NRG1: variants seen among roughly 807,000 people sequenced by gnomAD.
NRG1 encodes neuregulin 1.
NRG1 carries 18 observed loss-of-function variants against 63.8 expected under a neutral mutation model. The observed-to-expected ratio is 0.28, with a 90% CI of 0.19 to 0.42. The LOEUF (loss-of-function observed/expected upper bound fraction) is 0.42. Among genes scored for constraint, NRG1 ranks in the 10% least tolerant of loss-of-function variants. The pLI, the probability that NRG1 is intolerant of heterozygous loss-of-function variation, is 1.00. For synonymous variants in NRG1, 302 were observed against 301.3 expected, an observed-to-expected ratio of 1.00 and a Z score of -0.02; for missense variants, 762 against 814.7, an observed-to-expected ratio of 0.94 and a Z score of 0.79.
intron 1 of NRG1, among the ~76,000 whole-genome samples, chr8:32,186,054 A>C (rs1341220830): frequency 1.3e-5 from 2 of 152,218 alleles, no homozygotes; most frequent in Non-Finnish European, 2.9e-5. Flanking sequence ...TATAGTGGCT[A>C]ATGGCTATGC....
chr8:32,578,674 G>A (rs1840101076), intron 1 of NRG1, among the ~76,000 whole-genome samples: 1 of 151,966 alleles, frequency 6.6e-6, no homozygotes, highest in Non-Finnish European at 1.5e-5. Flanking sequence ...TGTCTCTATA[G>A]CTTTTAACTT....
chr8:32,625,317 T>G (rs1849029459), intron 5 of NRG1, among the ~76,000 whole-genome samples: 1 of 152,266 alleles, frequency 6.6e-6, no homozygotes, highest in African/African-American at 2.4e-5. Flanking sequence ...TCACTGTGGC[T>G]TATAGCCTAG....
chr8:32,136,890 CTTAATA>C (rs1453224704), intron 1 of NRG1: 2 of 152,026 alleles, frequency 1.3e-5, no homozygotes, highest in East Asian at 3.9e-4. Context: ...TATATAACAC[CTTAATA>C]TTAATAGTAC....
intron 1 of NRG1, among the ~76,000 whole-genome samples, chr8:32,169,159 G>C (rs1225132461): frequency 6.6e-6 from 1 of 152,152 alleles, no homozygotes; most frequent in Non-Finnish European, 1.5e-5. Context: ...ATCTAGAAAA[G>C]AGCATCTCAG....
chr8:31,731,348 T>C (rs1814031058), intron 1 of NRG1, among the ~76,000 whole-genome samples: 1 of 152,210 alleles, frequency 6.6e-6, no homozygotes, highest in East Asian at 1.9e-4. Context: ...ATTAAAATTA[T>C]GTTTAATGTT....
chr8:32,455,119 T>C (rs1261302198), intron 1 of NRG1, among the ~76,000 whole-genome samples: 1 of 152,152 alleles, frequency 6.6e-6, no homozygotes, highest in Non-Finnish European at 1.5e-5. Context: ...GACACATTTC[T>C]CAGAAGGTAC....
chr8:32,765,081 G>A (rs1831320988), exon 12 of NRG1: 1 of 152,092 alleles, frequency 6.6e-6, no homozygotes, highest in Non-Finnish European at 1.5e-5. Context: ...ACTAAAAGGA[G>A]CTCTCATTTA....
At chr8:32,004,947 A>T (rs528390809) in intron 1 of NRG1, among the ~76,000 whole-genome samples, 2 of 152,020 alleles carry the variant, frequency 1.3e-5, no homozygotes, top group South Asian at 4.1e-4. Flanking sequence ...GGAATAACTA[A>T]GGAAAAATAG....
At chr8:32,766,598 T>C (rs1564149464) in exon 12 of NRG1, 1 of 152,152 alleles carries the variant, frequency 6.6e-6, no homozygotes, top group African/African-American at 2.4e-5. Flanking sequence ...AGATATCCCA[T>C]TGTGGAAGAA....
At chr8:31,674,023 C>T (rs568688186) in intron 1 of NRG1, among the ~76,000 whole-genome samples, 90 of 152,268 alleles carry the variant, frequency 5.9e-4, no homozygotes, top group African/African-American at 2.2e-3. Flanking sequence ...CTAGACATTT[C>T]ATATGAATGA....
intron 1 of NRG1, among the ~76,000 whole-genome samples, chr8:32,403,223 G>A (rs1325925788): frequency 6.7e-6 from 1 of 149,176 alleles, no homozygotes; most frequent in Admixed American, 6.8e-5. Flanking sequence ...GCTTGAACCT[G>A]GAAGGCAGAA....
At chr8:32,026,438 A>G (rs932189145) in intron 1 of NRG1, 12 of 152,030 alleles carry the variant, frequency 7.9e-5, no homozygotes, top group Non-Finnish European at 2.9e-5. Flanking sequence ...TTATTTTCCT[A>G]CTTGACAATA....
intron 1 of NRG1, among the ~76,000 whole-genome samples, chr8:32,122,893 C>T (rs369567702): frequency 4.0e-5 from 6 of 151,434 alleles, no homozygotes; most frequent in East Asian, 1.9e-4. Flanking sequence ...TTTGTCTTTG[C>T]GATAGTTTAC....
chr8:31,796,845 A>G (rs566104104), intron 1 of NRG1, among the ~76,000 whole-genome samples: 2 of 152,166 alleles, frequency 1.3e-5, no homozygotes, highest in African/African-American at 4.8e-5. Context: ...TCCAACCAAC[A>G]TGGGTGTAAT....
chr8:31,683,414 C>G (rs1197854633), intron 1 of NRG1, among the ~76,000 whole-genome samples: 1 of 152,100 alleles, frequency 6.6e-6, no homozygotes, highest in Non-Finnish European at 1.5e-5. Context: ...ACAAAAGAAT[C>G]TTAAGTGCAT....
chr8:31,665,849 T>C (rs958450856), intron 1 of NRG1, among the ~76,000 whole-genome samples: 1 of 152,312 alleles, frequency 6.6e-6, no homozygotes, highest in African/African-American at 2.4e-5. Flanking sequence ...CAAATGAGTT[T>C]CCTTGGCTGC....
At chr8:31,996,718 G>T (rs1812029394) in intron 1 of NRG1, among the ~76,000 whole-genome samples, 1 of 151,746 alleles carries the variant, frequency 6.6e-6, no homozygotes, top group African/African-American at 2.4e-5. Context: ...TGTCTTCAAA[G>T]AAAAGAAAAG....
intron 1 of NRG1, among the ~76,000 whole-genome samples, chr8:31,955,533 C>T (rs327387): frequency 0.85 from 129,961 of 152,186 alleles, 56,348 homozygotes; most frequent in African/African-American, 0.96. Flanking sequence ...CACTGTTGAT[C>T]AACAAGGTAG....
chr8:31,851,577 G>C (rs957913226), intron 1 of NRG1, among the ~76,000 whole-genome samples: 1 of 152,034 alleles, frequency 6.6e-6, no homozygotes, highest in Non-Finnish European at 1.5e-5. Context: ...TTTGCCATTT[G>C]ATATGGGAAT....
Sources: allele counts gnomAD v4.1 joint callset (sites outside exome capture counted in the v4.1 genomes callset), GRCh38; gene constraint gnomAD v4.1.1; transcripts MANE v1.5; gene names NCBI Gene and HGNC (gene_info 2026-07-23, HGNC 2026-07-21).